The following PGD variants were observed in gnomAD, a reference collection of about 807,000 sequenced individuals.
The protein encoded by PGD is phosphogluconate dehydrogenase, also known as 6-phosphogluconate dehydrogenase, decarboxylating.
A neutral mutation model predicts 60.4 loss-of-function variants in PGD; 21 were observed. That is an observed-to-expected ratio of 0.35 (90% confidence interval 0.25 to 0.50). The LOEUF (loss-of-function observed/expected upper bound fraction) is 0.50. PGD is among the 20% of genes least tolerant of loss of function. PGD has a pLI of 0.98. For synonymous variants in PGD, 230 were observed against 235.9 expected (o/e 0.97, Z 0.23); for missense variants, 477 against 613.1 (o/e 0.78, Z 2.34).
rs546896791 is a variant in PGD at position 10,411,314 on chromosome 1, G to A, written c.520-104G>A. ...ATTTTATACTTGTTATTTTTTGTGT[G>A]GAGAGGTAGCCTTGCCAGGGATGTT... On this transcript the variant is annotated intron_variant, in intron 6 of 12. Coordinates refer to ENST00000270776, the MANE Select transcript of PGD (RefSeq NM_002631.4). 5.0e-4 allele frequency: 627 copies of A among 1,262,994 alleles called. 1 individual carries two copies. The highest frequency in any genetic ancestry group is 6.4e-4 in the Non-Finnish European group (567 of 890,230). The allele number at this position is 1,262,994 out of a possible 1,614,324, so 78.2% of individuals were successfully genotyped here. A position where few individuals can be genotyped will look rare whatever the true frequency, so the allele number is the denominator to read the frequency against.
At chr1:10,413,369 C>A in intron 8 of PGD, 118 bp downstream of exon 8, 1 of 855,746 alleles carries the variant, frequency 1.2e-6, no homozygotes. Context: ...TTTCAGAGTG[C>A]CTTTTGCTCT....
chr1:10,410,777 A>G (rs1459721421), intron 6 of PGD, among the ~76,000 whole-genome samples: 2 of 152,148 alleles, frequency 1.3e-5, no homozygotes, highest in Non-Finnish European at 2.9e-5. Flanking sequence ...TTTTCATCCT[A>G]CATTCATTAA....
intron 5 of PGD, among the ~76,000 whole-genome samples, chr1:10,404,687 A>G (rs567483818): frequency 6.6e-6 from 1 of 152,190 alleles, no homozygotes; most frequent in East Asian, 1.9e-4. Context: ...TTTAGTAGAG[A>G]CAGGGTTTCA....
At position 10,409,649 on chromosome 1, in the gene PGD, CTTTTTTTTTTTT is replaced by C. The variant is rs543426528; in HGVS notation, c.519+1524_519+1535del. ...CTGCAATAAAAGTGAGTGGTAGCAA[CTTTTTTTTTTTT>C]TTTTTTTTTTTTTTGAGACAGTCTT... On this transcript the variant is annotated intron_variant, in intron 6 of 12. Transcript: ENST00000270776. Among the ~76,000 whole-genome samples, 221 of 75,412 alleles carry C rather than the reference CTTTTTTTTTTTT, an allele frequency of 2.9e-3. 4 individuals carry two copies. Among genetic ancestry groups the C allele is most frequent in the Non-Finnish European group, 4.0e-3 (175 of 43,256 alleles). The allele number at this position is 75,412 out of a possible 152,430, so 49.5% of individuals were successfully genotyped here.
chr1:10,404,767 A>G (rs552709116), intron 5 of PGD, among the ~76,000 whole-genome samples: 3 of 152,258 alleles, frequency 2.0e-5, no homozygotes, highest in East Asian at 1.9e-4. Flanking sequence ...CCCAAAGTGC[A>G]GGGATTACAG....
At position 10,399,134 on chromosome 1, in the gene PGD, C is replaced by T. The variant is rs986047050; in HGVS notation, c.8+9C>T. On this transcript the variant is annotated intron_variant, in intron 1 of 12. Coordinates refer to ENST00000270776, the MANE Select transcript of PGD (RefSeq NM_002631.4). ...TCCGCCGCCATGGCCCAGTGAGTGA[C>T]TCGCCAGGGGCAGCCCGGCTCGGCC... 3.1e-6 allele frequency: 5 copies of T among 1,608,944 alleles called. No homozygotes were observed. The highest frequency in any genetic ancestry group is 4.2e-6 in the Non-Finnish European group (5 of 1,179,546).
rs1196015595 is a variant in PGD at position 10,405,645 on chromosome 1, G to A, written c.449+1366G>A. Reference sequence around the variant, plus strand: ...ACTTGAGGTCAGGAGTTCAAGACCAGCCTGGCCAACATGGTGAAACTCTCT... The same window carrying A: ...ACTTGAGGTCAGGAGTTCAAGACCAACCTGGCCAACATGGTGAAACTCTCT... On this transcript the variant is annotated intron_variant, in intron 5 of 12. Transcript: ENST00000270776. 4.6e-5 allele frequency among the ~76,000 whole-genome samples: 7 copies of A among 151,120 alleles called. No homozygotes were observed. In the East Asian group the frequency reaches 1.4e-3, roughly 31 times the overall value.
At position 10,420,340 on chromosome 1, in the gene PGD, T is replaced by C. The variant is rs1639672373; in HGVS notation, c.*591T>C. On this transcript the variant is annotated 3_prime_UTR_variant, in exon 13 of 13. Coordinates refer to ENST00000270776, the MANE Select transcript of PGD (RefSeq NM_002631.4). ...CACTGGGCATGTTTTCTTTCTCCAATTGGGCAATGGGTACATGGACGTTCA... is the reference window on the plus strand; with the variant it reads ...CACTGGGCATGTTTTCTTTCTCCAACTGGGCAATGGGTACATGGACGTTCA... Among the ~76,000 whole-genome samples, 1 of 150,472 alleles carries C rather than the reference T, an allele frequency of 6.6e-6. No individual in the cohort carries two copies. The highest frequency in any genetic ancestry group is 2.1e-4 in the South Asian group (1 of 4,790).
intron 5 of PGD, among the ~76,000 whole-genome samples, chr1:10,407,195 C>G (rs537947019): frequency 1.3e-5 from 2 of 152,278 alleles, no homozygotes; most frequent in African/African-American, 4.8e-5. Flanking sequence ...CGCCTATGGT[C>G]CCAGCACTTT....
chr1:10,419,299 G>C, intron 11 of PGD, 118 bp from the exon 12 acceptor site: 1 of 1,402,206 alleles, frequency 7.1e-7, no homozygotes, highest in Non-Finnish European at 9.7e-7. Flanking sequence ...TGACAGGCGT[G>C]AGCCACCGCG....
chr1:10,406,973 C>T (rs1321145097), intron 5 of PGD, among the ~76,000 whole-genome samples: 1 of 152,228 alleles, frequency 6.6e-6, no homozygotes, highest in African/African-American at 2.4e-5. Context: ...AAGGAACTTT[C>T]GTATTGCCTG....
chr1:10,404,885 A>G (rs142082081), intron 5 of PGD, among the ~76,000 whole-genome samples: 10 of 152,282 alleles, frequency 6.6e-5, no homozygotes, highest in African/African-American at 2.2e-4. Context: ...TTTAGCTGAT[A>G]TATAACCCAA....
intron 8 of PGD, 36 bp from the exon 9 acceptor site, chr1:10,416,951 A>T (rs1210939707): frequency 2.5e-6 from 4 of 1,607,598 alleles, no homozygotes; most frequent in South Asian, 2.2e-5. Context: ...GAGGCCTGAC[A>T]GTAATCTGTT....
intron 6 of PGD, 23 bp from the exon 7 acceptor site, chr1:10,411,395 C>T (rs1195413021): frequency 1.9e-6 from 3 of 1,612,070 alleles, no homozygotes; most frequent in Admixed American, 3.3e-5. Context: ...CTGAAGGCCT[C>T]TTGGTGCTTG....
chr1:10,412,838 C>CT, intron 7 of PGD: 1 of 498,842 alleles, frequency 2.0e-6, no homozygotes, highest in Non-Finnish European at 3.6e-6. Flanking sequence ...TCTGAGGAGA[C>CT]AACACTTCTG....
At position 10,403,229 on chromosome 1, in the gene PGD, C is replaced by T. The variant is rs1639344510; in HGVS notation, c.330+93C>T. Reference sequence around the variant, plus strand: ...ATATGTGACAGTAGGGTGAACTGCCCTGTGGTACTGATTTTTTTGAGATTA... The same window carrying T: ...ATATGTGACAGTAGGGTGAACTGCCTTGTGGTACTGATTTTTTTGAGATTA... On this transcript the variant is annotated intron_variant, in intron 4 of 12. Coordinates refer to ENST00000270776, the MANE Select transcript of PGD (RefSeq NM_002631.4). 4.8e-6 allele frequency: 4 copies of T among 830,690 alleles called. No homozygotes were observed. The Admixed American group carries it at 7.5e-5, about 16-fold the overall frequency. 51.5% of individuals were successfully genotyped at this position (830,690 alleles called of 1,614,324 possible). A position where few individuals can be genotyped will look rare whatever the true frequency, so the allele number is the denominator to read the frequency against.
At chr1:10,419,569 C>A (rs1569997725) in intron 12 of PGD, 30 bp downstream of exon 12, 1 of 1,613,874 alleles carries the variant, frequency 6.2e-7, no homozygotes, top group Admixed American at 1.7e-5. Flanking sequence ...ATTAACCTGG[C>A]TGGCCCCTCG....
At chr1:10,417,202 C>T in intron 9 of PGD, 85 bp downstream of exon 9, 1 of 1,515,284 alleles carries the variant, frequency 6.6e-7, no homozygotes, top group African/African-American at 1.4e-5. Context: ...ACACTCGAGG[C>T]CACAGGATGG....
intron 1 of PGD, 187 bp from the exon 2 acceptor site, chr1:10,399,441 GC>G (rs1419480379): frequency 6.3e-6 from 3 of 475,924 alleles, no homozygotes; most frequent in African/African-American, 6.1e-5. Flanking sequence ...GGGCGCGAGG[GC>G]GGGGCTGGGG....
Sources: allele counts gnomAD v4.1 joint callset (sites outside exome capture counted in the v4.1 genomes callset), GRCh38; gene constraint gnomAD v4.1.1; transcripts MANE v1.5; gene names NCBI Gene and HGNC (gene_info 2026-07-23, HGNC 2026-07-21).